Variants in PEAR1 observed in about 807,000 individuals in gnomAD.
The protein encoded by PEAR1 is multiple EGF-like domains protein 12.
A neutral mutation model predicts 131.2 loss-of-function variants in PEAR1; 113 were observed. The observed-to-expected ratio is 0.86, with a 90% CI of 0.74 to 1.01. The LOEUF is 1.01. Among genes scored for constraint, PEAR1 ranks in the 50% least tolerant of loss-of-function variants. The pLI is 0.00. For synonymous variants in PEAR1, 565 were observed against 523.3 expected (o/e 1.08, Z -1.09); for missense variants, 1,408 against 1,391.1 (o/e 1.01, Z -0.19).
rs1410553907 is a variant in PEAR1 at position 156,915,805 on chromosome 1, T to C, written c.*1007T>C. The C allele has an allele frequency of 6.6e-6, 1 of 152,238 alleles. No individual in the cohort carries two copies. Among genetic ancestry groups the C allele is most frequent in the African/African-American group, 2.4e-5 (1 of 41,456 alleles). 9.4% of individuals were successfully genotyped at this position (152,238 alleles called of 1,614,324 possible). A position where few individuals can be genotyped will look rare whatever the true frequency, so the allele number is the denominator to read the frequency against. Reference sequence around the variant, plus strand: ...CTTATGCTCAATATTAGCTCTCCCTTGGCACAGAGTAGGCACTCAACAAAT... The same window carrying C: ...CTTATGCTCAATATTAGCTCTCCCTCGGCACAGAGTAGGCACTCAACAAAT... On this transcript the variant is annotated 3_prime_UTR_variant, in exon 23 of 23. Transcript: ENST00000292357.
intron 1 of PEAR1, among the ~76,000 whole-genome samples, chr1:156,901,293 C>T (rs1649657381): frequency 6.6e-6 from 1 of 152,212 alleles, no homozygotes; most frequent in Admixed American, 6.5e-5. Flanking sequence ...TGAGAGTCAG[C>T]TCCTCCTCAT....
chr1:156,906,483 C>T (rs1650317631), intron 5 of PEAR1, 115 bp downstream of exon 5: 5 of 1,530,290 alleles, frequency 3.3e-6, no homozygotes, highest in African/African-American at 1.4e-5. Context: ...CGATTACCCG[C>T]CAGAGCCCCA....
intron 3 of PEAR1, 90 bp from the exon 4 acceptor site, chr1:156,905,234 G>A (rs1392204962): frequency 2.9e-6 from 4 of 1,365,880 alleles, no homozygotes; most frequent in Non-Finnish European, 4.1e-6. Flanking sequence ...AGAGTGTTGA[G>A]TGGTGCCCCT....
At chr1:156,905,528 C>A in intron 4 of PEAR1, 104 bp downstream of exon 4, 1 of 1,058,660 alleles carries the variant, frequency 9.4e-7, no homozygotes, top group South Asian at 1.7e-5. Context: ...TGGGGTTACT[C>A]CTCTGCCCTT....
At chr1:156,894,395 G>C (rs1371443400) in intron 1 of PEAR1, among the ~76,000 whole-genome samples, 2 of 152,212 alleles carry the variant, frequency 1.3e-5, no homozygotes, top group Non-Finnish European at 2.9e-5. Context: ...GAGCAAAAAC[G>C]TGTCTCCTGC....
In PEAR1 at chr1:156,904,781, C is replaced by A. The variant is rs1041728779; in HGVS notation, c.135C>A (p.Arg45=). ...FTTTTKESHS[R]PFSLLPSEPC... ...CCACCACCAAGGAGTCCCACTCCCGCCCCTTCAGCCTGCTCCCCTCAGAGC... is the reference window on the plus strand; with the variant it reads ...CCACCACCAAGGAGTCCCACTCCCGACCCTTCAGCCTGCTCCCCTCAGAGC... Residue 45 remains arginine (R), a synonymous_variant, in exon 3 of 23, where the codon CGC becomes CGA. Coordinates refer to ENST00000292357, the MANE Select transcript of PEAR1 (RefSeq NM_001080471.3). 2 of 1,613,472 alleles carry A rather than the reference C, an allele frequency of 1.2e-6. No homozygotes were observed. The highest frequency in any genetic ancestry group is 8.5e-7 in the Non-Finnish European group (1 of 1,179,786).
At chr1:156,903,662 C>T (rs181809387) in intron 1 of PEAR1, among the ~76,000 whole-genome samples, 256 of 152,288 alleles carry the variant, frequency 1.7e-3, no homozygotes, top group South Asian at 3.5e-3. Flanking sequence ...TGAACTAGAC[C>T]TTGAAAGATG....
At chr1:156,894,967 T>A (rs1044411707) in intron 1 of PEAR1, among the ~76,000 whole-genome samples, 3 of 152,204 alleles carry the variant, frequency 2.0e-5, no homozygotes, top group Non-Finnish European at 4.4e-5. Context: ...CTGTTGTGTG[T>A]GCTTGTGAGC....
In PEAR1 at chr1:156,916,037, AG is replaced by A. The variant is rs1651832402; in HGVS notation, c.*1245del. The A allele has an allele frequency of 1.3e-5, 2 of 152,236 alleles. No individual in the cohort carries two copies. Among genetic ancestry groups the A allele is most frequent in the African/African-American group, 2.4e-5 (1 of 41,426 alleles). The allele number at this position is 152,236 out of a possible 1,614,324, so 9.4% of individuals were successfully genotyped here. Reference sequence around the variant, plus strand: ...CAGGGGTGCAGAGGGGCTGAGGCTGAGGGGGGTGCAGAGGCTGGAGAAAGGA... The same window carrying A: ...CAGGGGTGCAGAGGGGCTGAGGCTGAGGGGGTGCAGAGGCTGGAGAAAGGA... On this transcript the variant is annotated 3_prime_UTR_variant, in exon 23 of 23. Coordinates refer to ENST00000292357, the MANE Select transcript of PEAR1 (RefSeq NM_001080471.3).
chr1:156,914,083 C>G lies in PEAR1; in HGVS notation c.2945C>G (p.Pro982Arg). The stretch of plus-strand genomic sequence containing the variant: ...AGAGACAGTGGCACCTACGAGCAGC[C>G]CAGCCCCCTGATCCATGGTGAGCCC... The part of the protein sequence containing the change: ...PQRDSGTYEQ[P>R]SPLIHDRDSV... The change falls in exon 22 of 23, where the codon CCC (proline) becomes CGC (arginine). Residue 982 changes from proline to arginine, a missense_variant. Coordinates refer to ENST00000292357, the MANE Select transcript of PEAR1 (RefSeq NM_001080471.3). The G allele has an allele frequency of 6.2e-7, 1 of 1,600,584 alleles. No homozygotes were observed. Among genetic ancestry groups the G allele is most frequent in the Middle Eastern group, 1.7e-4 (1 of 6,024 alleles).
rs201575106 is a variant in PEAR1, at chr1:156,904,790, C to A, written c.144C>A (p.Ser48Arg). Residue 48 changes from serine (S) to arginine (R), a missense_variant, in exon 3 of 23, where the codon AGC (serine) becomes AGA (arginine). By Grantham distance (110) the Ser-to-Arg change is moderately radical (BLOSUM62 -1). Transcript: ENST00000292357. ...AGGAGTCCCACTCCCGCCCCTTCAG[C>A]CTGCTCCCCTCAGAGCCCTGCGAGC... ...TTKESHSRPF[S>R]LLPSEPCERP... The A allele has an allele frequency of 6.3e-5, 102 of 1,613,668 alleles. No individual in the cohort carries two copies. The highest frequency in any genetic ancestry group is 8.3e-5 in the Non-Finnish European group (98 of 1,179,840).
At chr1:156,903,058 A>T (rs1229959622) in intron 1 of PEAR1, among the ~76,000 whole-genome samples, 1 of 152,056 alleles carries the variant, frequency 6.6e-6, no homozygotes, top group East Asian at 1.9e-4. Flanking sequence ...CTTGGGTTTT[A>T]GTGTTTGCTA....
chr1:156,898,473 AG>A (rs1430492330), intron 1 of PEAR1, among the ~76,000 whole-genome samples: 6 of 152,140 alleles, frequency 3.9e-5, no homozygotes, highest in African/African-American at 1.2e-4. Context: ...CGCTGGATAT[AG>A]GCAGTGCTCT....
At chr1:156,897,449 G>A (rs774723174) in intron 1 of PEAR1, among the ~76,000 whole-genome samples, 5 of 152,192 alleles carry the variant, frequency 3.3e-5, no homozygotes, top group African/African-American at 9.7e-5. Context: ...GGAGTACGTC[G>A]GGGGCTGTGA....
chr1:156,909,052 T>C lies in PEAR1; in HGVS notation c.1411+16T>C. On this transcript the variant is annotated intron_variant, in intron 11 of 22. Transcript: ENST00000292357. Reference sequence around the variant, plus strand: ...TGCAAGGAAGGTAATAGGGTGGAGTTTCCCAGAGAGAAGACTTGGGGGATG... The same window carrying C: ...TGCAAGGAAGGTAATAGGGTGGAGTCTCCCAGAGAGAAGACTTGGGGGATG... The C allele has an allele frequency of 6.2e-7, 1 of 1,613,510 alleles. No individual in the cohort carries two copies. The highest frequency in any genetic ancestry group is 1.1e-5 in the South Asian group (1 of 91,036).
chr1:156,909,012 G>T lies in PEAR1; in HGVS notation c.1387G>T (p.Asp463Tyr), dbSNP rs1650725036. 6.2e-7 allele frequency: 1 copy of T among 1,614,048 alleles called. No homozygotes were observed. Among genetic ancestry groups the T allele is most frequent in the Non-Finnish European group, 8.5e-7 (1 of 1,180,010 alleles). The part of the protein sequence containing the change: ...CENAIACSPI[D>Y]GECVCKEGWQ... ...AAATGCCATCGCCTGCTCACCCATCGACGGCGAGTGCGTCTGCAAGGAAGG... is the reference window on the plus strand; with the variant it reads ...AAATGCCATCGCCTGCTCACCCATCTACGGCGAGTGCGTCTGCAAGGAAGG... Residue 463 changes from aspartate to tyrosine, a missense_variant, in exon 11 of 23, where the codon GAC becomes TAC. Transcript: ENST00000292357.
chr1:156,906,120 G>C (rs1462637224), intron 4 of PEAR1, among the ~76,000 whole-genome samples, 156 bp from the exon 5 acceptor site: 1 of 152,222 alleles, frequency 6.6e-6, no homozygotes, highest in Non-Finnish European at 1.5e-5. Context: ...TTCTCCCCCT[G>C]AGTTGCTGCC....
chr1:156,909,942 G>A, intron 12 of PEAR1, 28 bp downstream of exon 12: 1 of 1,611,864 alleles, frequency 6.2e-7, no homozygotes. Context: ...TGTCTGCCTG[G>A]GGGTGGGGAG....
intron 14 of PEAR1, 92 bp downstream of exon 14, chr1:156,910,472 C>A: frequency 6.5e-7 from 1 of 1,540,750 alleles, no homozygotes; most frequent in Non-Finnish European, 8.8e-7. Context: ...GCCCGCCGCC[C>A]ACCTCTCCCA....
Sources: allele counts gnomAD v4.1 joint callset (sites outside exome capture counted in the v4.1 genomes callset), GRCh38; gene constraint gnomAD v4.1.1; transcripts MANE v1.5; gene names NCBI Gene and HGNC (gene_info 2026-07-23, HGNC 2026-07-21).